The following LARP1B variants were observed in gnomAD, a reference collection of about 807,000 sequenced individuals.
The protein encoded by LARP1B is la-related protein 1B.
In LARP1B, 76 loss-of-function variants were observed where a neutral mutation model predicts 114.2. That is an observed-to-expected ratio of 0.67 (90% CI 0.55 to 0.81). The LOEUF is 0.81. Among genes scored for constraint, LARP1B ranks in the 30% least tolerant of loss-of-function variants. LARP1B has a pLI of 0.00. For missense variants in LARP1B, 1,014 were observed against 1,075.8 expected (o/e 0.94, Z 0.80); for synonymous variants, 345 against 348.0 (o/e 0.99, Z 0.10).
chr4:128,089,824 G>A (rs1775190028), intron 5 of LARP1B, among the ~76,000 whole-genome samples: 1 of 151,760 alleles, frequency 6.6e-6, no homozygotes, highest in Non-Finnish European at 1.5e-5. Flanking sequence ...AGGCTGGAGT[G>A]CAGTGGCAGG....
intron 15 of LARP1B, among the ~76,000 whole-genome samples, chr4:128,188,197 C>T (rs1419255435): frequency 6.6e-6 from 1 of 151,972 alleles, no homozygotes; most frequent in African/African-American, 2.4e-5. Context: ...GCTTCAGCCT[C>T]CTGAGTAGCT....
rs780631689 is a variant in LARP1B at position 128,122,094 on chromosome 4, C to T, written c.1430C>T (p.Thr477Ile). 1.1e-5 allele frequency: 17 copies of T among 1,613,956 alleles called. 2 individuals carry two copies. In the South Asian group the frequency reaches 1.9e-4, roughly 18 times the overall value. ...TGTHMSRAKI[T>I]SELAKVINDG... is the part of the protein sequence containing the mutation. ...ACCCACATGTCTCGGGCAAAAATCA[C>T]ATCTGAACTTGCTAAAGTTATCAAT... The change falls in exon 11 of 20, where the codon ACA becomes ATA. Residue 477 changes from threonine to isoleucine, a missense_variant. Thr to Ile is a moderately conservative substitution (Grantham distance 89). Coordinates refer to ENST00000326639, the MANE Select transcript of LARP1B (RefSeq NM_018078.4).
chr4:128,148,030 G>A (rs1382921884), intron 11 of LARP1B, among the ~76,000 whole-genome samples: 1 of 152,194 alleles, frequency 6.6e-6, no homozygotes, highest in African/African-American at 2.4e-5. Flanking sequence ...TTTGGGAATA[G>A]GTTTTAGAGC....
chr4:128,098,458 T>C (rs895844665), intron 8 of LARP1B, 128 bp downstream of exon 8: 1 of 678,596 alleles, frequency 1.5e-6, no homozygotes, highest in Admixed American at 3.2e-5. Flanking sequence ...CAGCATTCCA[T>C]GATGTTTTTC....
At chr4:128,167,496 GT>G (rs1741635052) in intron 12 of LARP1B, among the ~76,000 whole-genome samples, 2 of 151,878 alleles carry the variant, frequency 1.3e-5, no homozygotes, top group Admixed American at 1.3e-4. Context: ...GTTTGCAAAT[GT>G]TTTTTCTTAT....
downstream of LARP1B, among the ~76,000 whole-genome samples, chr4:128,212,260 A>G (rs759600931): frequency 6.6e-6 from 1 of 152,240 alleles, no homozygotes; most frequent in East Asian, 1.9e-4. Context: ...TACTAGTTAC[A>G]TAGTATTCCA....
rs775793486 is a variant in LARP1B at position 128,121,958 on chromosome 4, T to A, written c.1294T>A (p.Ser432Thr). 4 of 1,612,924 alleles carry A rather than the reference T, an allele frequency of 2.5e-6. No homozygotes were observed. The highest frequency in any genetic ancestry group is 3.4e-6 in the Non-Finnish European group (4 of 1,179,982). The change falls in exon 11 of 20, where the codon TCT (serine) becomes ACT (threonine). Residue 432 changes from serine (S) to threonine (T), a missense_variant. Physicochemically the swap from Ser to Thr is moderately conservative, Grantham distance 58. Coordinates refer to ENST00000326639, the MANE Select transcript of LARP1B (RefSeq NM_018078.4). ...IGRKNTFTDW[S>T]DNDSDYEIDD... ...ACGAAAAAACACATTTACTGATTGG[T>A]CTGATAATGATTCAGATTATGAAAT...
intron 15 of LARP1B, among the ~76,000 whole-genome samples, chr4:128,185,460 T>C (rs1213830638): frequency 6.6e-6 from 1 of 152,140 alleles, no homozygotes; most frequent in Non-Finnish European, 1.5e-5. Context: ...ATATACCTGT[T>C]GTCCAGTTGA....
chr4:128,182,220 C>T (rs1161325902), intron 15 of LARP1B, among the ~76,000 whole-genome samples: 5 of 146,234 alleles, frequency 3.4e-5, no homozygotes, highest in African/African-American at 1.3e-4. Context: ...CTCAAGTGAT[C>T]CTCCCACTTC....
intron 1 of LARP1B, among the ~76,000 whole-genome samples, chr4:128,068,508 A>T (rs1162697115): frequency 6.6e-6 from 1 of 151,996 alleles, no homozygotes; most frequent in East Asian, 1.9e-4. Context: ...TTTGTTTTTT[A>T]AATTTAAAAA....
In LARP1B at chr4:128,180,939, A is replaced by G. The variant is rs560071177; in HGVS notation, c.2003+1427A>G. On this transcript the variant is annotated intron_variant, in intron 15 of 19. Transcript: ENST00000326639. ...GTCAGCCTTGTCTGATATTTATATA[A>G]TTATGCCAACTTTCTTTAGATGAGT... Among the ~76,000 whole-genome samples, 37 of 152,286 alleles carry G rather than the reference A, an allele frequency of 2.4e-4. No individual in the cohort carries two copies. The South Asian group carries it at 4.6e-3, about 19-fold the overall frequency.
intron 3 of LARP1B, among the ~76,000 whole-genome samples, chr4:128,076,298 C>T (rs1008577505): frequency 2.6e-5 from 4 of 152,204 alleles, no homozygotes; most frequent in Admixed American, 1.3e-4. Context: ...AGCCACTGCG[C>T]CCAGCCTCAT....
At chr4:128,195,301 T>A (rs1753713783) in intron 15 of LARP1B, among the ~76,000 whole-genome samples, 1 of 152,196 alleles carries the variant, frequency 6.6e-6, no homozygotes, top group South Asian at 2.1e-4. Context: ...GATATTAATT[T>A]TATCTTCGTT....
chr4:128,130,357 T>C (rs1435256609), intron 11 of LARP1B, among the ~76,000 whole-genome samples: 1 of 152,186 alleles, frequency 6.6e-6, no homozygotes, highest in Non-Finnish European at 1.5e-5. Context: ...GACCAGTTTA[T>C]TGAAGAAAAA....
At chr4:128,151,791 A>T (rs1283574404) in intron 11 of LARP1B, among the ~76,000 whole-genome samples, 1 of 152,072 alleles carries the variant, frequency 6.6e-6, no homozygotes, top group Non-Finnish European at 1.5e-5. Context: ...TTCAGTAGAG[A>T]CAAGGTTTCA....
chr4:128,192,845 A>T (rs988371655), intron 15 of LARP1B, among the ~76,000 whole-genome samples: 16 of 148,770 alleles, frequency 1.1e-4, no homozygotes, highest in East Asian at 5.9e-4. Flanking sequence ...TTTTTTTTTT[A>T]AATTAGAGAC....
In LARP1B at chr4:128,166,569, C is replaced by T. The variant is rs180877313; in HGVS notation, c.1648+4252C>T. Among the ~76,000 whole-genome samples, 71 of 151,594 alleles carry T rather than the reference C, an allele frequency of 4.7e-4. No homozygotes were observed. The East Asian group carries it at 0.014, about 29-fold the overall frequency. On this transcript the variant is annotated intron_variant, in intron 12 of 19. Transcript: ENST00000326639. ...CATATTCATTATCTCACATAGTTAC[C>T]TTTTTTTGTGGCAAGAGCACCTAAA...
intron 9 of LARP1B, among the ~76,000 whole-genome samples, chr4:128,111,833 C>A (rs989820964): frequency 1.3e-5 from 2 of 151,910 alleles, no homozygotes; most frequent in Non-Finnish European, 2.9e-5. Flanking sequence ...AGGTGCCTAC[C>A]ACCACGCCTG....
At chr4:128,212,604 G>T (rs1014546032), downstream of LARP1B, among the ~76,000 whole-genome samples, 9 of 151,974 alleles carry the variant, frequency 5.9e-5, no homozygotes, top group African/African-American at 1.7e-4. Context: ...AGCCGAGTCC[G>T]CACCACTGCA....
Sources: gnomAD v4.1 joint callset for allele counts (sites outside exome capture counted in the v4.1 genomes callset) on GRCh38, gnomAD v4.1.1 for gene constraint, MANE v1.5 for transcripts, NCBI Gene and HGNC (gene_info 2026-07-23, HGNC 2026-07-21) for gene names.